Variants in SORCS2 observed in about 807,000 individuals in gnomAD.
SORCS2 encodes the protein VPS10 domain-containing receptor SorCS2.
SORCS2 carries 100 observed loss-of-function variants against 141.6 expected under a neutral mutation model. The observed-to-expected ratio is 0.71, with a 90% confidence interval of 0.60 to 0.83. The LOEUF is 0.83. Ranked by LOEUF, SORCS2 falls within the 40% of genes least tolerant of loss-of-function variation. The probability of loss-of-function intolerance (pLI) is 0.00; values close to 1 mark genes in which losing one functional copy is unlikely to be tolerated. For synonymous variants in SORCS2, 789 were observed against 676.9 expected (o/e 1.17, Z -2.57); for missense variants, 1,646 against 1,560.2 (o/e 1.05, Z -0.93).
At chr4:7,204,694 G>A (rs908709453) in intron 1 of SORCS2, among the ~76,000 whole-genome samples, 1 of 152,200 alleles carries the variant, frequency 6.6e-6, no homozygotes, top group Non-Finnish European at 1.5e-5. Flanking sequence ...GGACACGGTG[G>A]CAAGGCTGCG....
intron 2 of SORCS2, among the ~76,000 whole-genome samples, chr4:7,442,938 G>A (rs1304524436): frequency 2.0e-5 from 3 of 152,164 alleles, no homozygotes; most frequent in African/African-American, 7.2e-5. Context: ...GCTCCTTCCT[G>A]CTTCCTCCCA....
intron 4 of SORCS2, among the ~76,000 whole-genome samples, chr4:7,643,807 C>A (rs966941847): frequency 6.6e-6 from 1 of 152,130 alleles, no homozygotes; most frequent in Non-Finnish European, 1.5e-5. Context: ...GTGCAGCCTT[C>A]GCGTTGGCTG....
At chr4:7,539,069 C>G (rs1293641416) in intron 3 of SORCS2, among the ~76,000 whole-genome samples, 1 of 152,178 alleles carries the variant, frequency 6.6e-6, no homozygotes, top group Non-Finnish European at 1.5e-5. Flanking sequence ...GTTGTTTCCC[C>G]CAGGCCCCAT....
chr4:7,473,169 C>T (rs1730084279), intron 2 of SORCS2, among the ~76,000 whole-genome samples: 1 of 152,214 alleles, frequency 6.6e-6, no homozygotes, highest in African/African-American at 2.4e-5. Flanking sequence ...TCAGAAACTG[C>T]TTCCAGAACA....
At chr4:7,263,669 C>G (rs1201773906) in intron 1 of SORCS2, among the ~76,000 whole-genome samples, 1 of 152,214 alleles carries the variant, frequency 6.6e-6, no homozygotes, top group Non-Finnish European at 1.5e-5. Flanking sequence ...GGCTGGGGCA[C>G]AGGGCTGTCC....
At position 7,277,773 on chromosome 4, in the gene SORCS2, C is replaced by T. The variant is rs922618532; in HGVS notation, c.480+84647C>T. Among the ~76,000 whole-genome samples the T allele has an allele frequency of 4.6e-5, 7 of 152,202 alleles. No homozygotes were observed. The East Asian group carries it at 7.7e-4, about 17-fold the overall frequency. On this transcript the variant is annotated intron_variant, in intron 1 of 26. Transcript: ENST00000507866. ...TCAGAGCCAGCCTGCCTACCGTGCC[C>T]GTCCTCCTGCAGAGCGCTGGGTGCA...
intron 1 of SORCS2, among the ~76,000 whole-genome samples, chr4:7,394,977 G>A (rs990166476): frequency 1.2e-4 from 19 of 152,160 alleles, no homozygotes; most frequent in Admixed American, 9.8e-4. Context: ...TGAATCAATG[G>A]GTTAAAGTCC....
intron 3 of SORCS2, among the ~76,000 whole-genome samples, chr4:7,544,074 A>T (rs55996117): frequency 0.65 from 93,428 of 143,776 alleles, 32,224 homozygotes; most frequent in East Asian, 0.87. Context: ...CCATCCACCC[A>T]TCCATCCATC....
intron 1 of SORCS2, among the ~76,000 whole-genome samples, chr4:7,195,130 C>A (rs545402794): frequency 7.2e-6 from 1 of 139,192 alleles, no homozygotes; most frequent in South Asian, 2.5e-4. Flanking sequence ...GGTTGGGTGA[C>A]TCCTCTGTGA....
chr4:7,192,959 G>T lies in SORCS2; in HGVS notation c.313G>T (p.Gly105Cys). 7.4e-7 allele frequency: 1 copy of T among 1,357,040 alleles called. No individual in the cohort carries two copies. Among genetic ancestry groups the T allele is most frequent in the South Asian group, 1.8e-5 (1 of 56,168 alleles). The allele number at this position is 1,357,040 out of a possible 1,614,324, so 84.1% of individuals were successfully genotyped here. A position where few individuals can be genotyped will look rare whatever the true frequency, so the allele number is the denominator to read the frequency against. ...GAGTCCCGGTCCCGCTCCTGGTCCC[G>T]GCGAGGACGGCGCCCCCGCCGCGGG... ...GPSPGPAPGP[G>C]EDGAPAAGYR... Residue 105 changes from glycine to cysteine, a missense_variant, in exon 1 of 27, where the codon GGC (glycine) becomes TGC (cysteine). Physicochemically the swap from Gly to Cys is radical, Grantham distance 159. Coordinates refer to ENST00000507866, the MANE Select transcript of SORCS2 (RefSeq NM_020777.3). The surrounding 1 kb of genome is among the most constrained non-coding windows in gnomAD (Gnocchi z 4.0).
chr4:7,659,018 T>C (rs1490534824), intron 5 of SORCS2, among the ~76,000 whole-genome samples: 3 of 152,206 alleles, frequency 2.0e-5, no homozygotes, highest in African/African-American at 7.2e-5. Context: ...GGGACTGGTG[T>C]GGTAAATGGA....
intron 2 of SORCS2, among the ~76,000 whole-genome samples, chr4:7,501,670 G>A (rs906863370): frequency 4.6e-5 from 7 of 152,288 alleles, no homozygotes; most frequent in South Asian, 2.1e-4. Context: ...TGCCCTTTGC[G>A]TTGGTCTCAT....
intron 3 of SORCS2, among the ~76,000 whole-genome samples, chr4:7,591,726 G>A (rs925914407): frequency 4.6e-5 from 7 of 152,164 alleles, no homozygotes; most frequent in African/African-American, 9.6e-5. Context: ...CGTAGAGCCC[G>A]GGAGAGCTTT....
intron 1 of SORCS2, among the ~76,000 whole-genome samples, chr4:7,289,638 G>A (rs956592413): frequency 6.6e-6 from 1 of 152,146 alleles, no homozygotes; most frequent in Non-Finnish European, 1.5e-5. Context: ...CCAGGGCAAA[G>A]GTAAAATATC....
At chr4:7,239,469 G>C (rs541301660) in intron 1 of SORCS2, among the ~76,000 whole-genome samples, 1 of 152,354 alleles carries the variant, frequency 6.6e-6, no homozygotes, top group African/African-American at 2.4e-5. Flanking sequence ...TTCCTGGAGG[G>C]CTTCAGTTTT....
chr4:7,602,326 G>A (rs1717756908), intron 3 of SORCS2, among the ~76,000 whole-genome samples: 1 of 151,954 alleles, frequency 6.6e-6, no homozygotes, highest in African/African-American at 2.4e-5. Context: ...GGAGGGGGCG[G>A]CTGCTGGGCG....
At chr4:7,281,969 C>T (rs757620033) in intron 1 of SORCS2, among the ~76,000 whole-genome samples, 3 of 152,232 alleles carry the variant, frequency 2.0e-5, no homozygotes, top group Non-Finnish European at 4.4e-5. Context: ...GATGGAAACT[C>T]CACGCACCCA....
At chr4:7,654,919 A>G (rs907248957) in intron 5 of SORCS2, among the ~76,000 whole-genome samples, 4 of 152,020 alleles carry the variant, frequency 2.6e-5, no homozygotes, top group Non-Finnish European at 5.9e-5. Flanking sequence ...TCCTCAGGGG[A>G]GCCTCTCAGT....
chr4:7,481,223 C>T lies in SORCS2; in HGVS notation c.549-50307C>T, dbSNP rs145001955. Among the ~76,000 whole-genome samples, 1,371 of 152,372 alleles carry T rather than the reference C, an allele frequency of 9.0e-3. 18 individuals are homozygous for T. The highest frequency in any genetic ancestry group is 0.032 in the African/African-American group (1,313 of 41,594). ...TGTGGCAAGGACACAGCGTCTGCGA[C>T]CCTGAGAACAGGAGCGTGCGCTCCT... On this transcript the variant is annotated intron_variant, in intron 2 of 26. Transcript: ENST00000507866.
Sources: gnomAD v4.1 joint callset for allele counts (sites outside exome capture counted in the v4.1 genomes callset) on GRCh38, gnomAD v4.1.1 for gene constraint, Gnocchi (gnomAD v3.1) non-coding constraint, MANE v1.5 for transcripts, NCBI Gene and HGNC (gene_info 2026-07-23, HGNC 2026-07-21) for gene names.